Variants in AFMID observed in about 807,000 individuals in gnomAD.
AFMID encodes the protein arylformamidase.
Under a neutral mutation model 47.5 loss-of-function variants are expected in AFMID, and 39 were observed. The observed-to-expected ratio is 0.82, with a 90% CI of 0.64 to 1.07. The LOEUF (loss-of-function observed/expected upper bound fraction) is 1.07, where lower values mean the gene tolerates loss of function less well. Among genes scored for constraint, AFMID ranks in the 50% least tolerant of loss-of-function variants. The pLI is 0.00. For synonymous variants in AFMID, 130 were observed against 153.2 expected, an observed-to-expected ratio of 0.85 and a Z score of 1.12; for missense variants, 375 against 387.5, an observed-to-expected ratio of 0.97 and a Z score of 0.27.
Position 78,206,906 on chromosome 17 carries a change from T to G in AFMID, c.886-5T>G. Reference sequence around the variant, plus strand: ...GGGCTTTTGTGTCTTCTCTTCCTGTTCCAGATTATCTTGAAAACAATCTTC... The same window carrying G: ...GGGCTTTTGTGTCTTCTCTTCCTGTGCCAGATTATCTTGAAAACAATCTTC... On this transcript the variant is annotated splice_polypyrimidine_tract_variant and splice_region_variant and intron_variant, in intron 10 of 10. Transcript: ENST00000409257. 1 of 1,613,988 alleles carries G rather than the reference T, an allele frequency of 6.2e-7. No individual in the cohort carries two copies. Among genetic ancestry groups the G allele is most frequent in the South Asian group, 1.1e-5 (1 of 91,076 alleles).
intron 4 of AFMID, chr17:78,203,512 C>T (rs2076302398): frequency 6.6e-6 from 1 of 152,024 alleles, no homozygotes; most frequent in Admixed American, 6.6e-5. Flanking sequence ...GCCAGAGTGA[C>T]CAACCACTGT....
intron 2 of AFMID, among the ~76,000 whole-genome samples, chr17:78,200,532 T>C (rs77336916): frequency 0.032 from 4,882 of 152,200 alleles, 253 homozygotes; most frequent in African/African-American, 0.11. Context: ...CTAAATGCCA[T>C]TGACTGCTAT....
chr17:78,206,338 C>CAAA (rs60780262), intron 10 of AFMID, among the ~76,000 whole-genome samples: 23 of 104,018 alleles, frequency 2.2e-4, no homozygotes, highest in East Asian at 3.8e-4. Context: ...GACTCTGTCT[C>CAAA]AAAAAAAAAA....
chr17:78,204,799 C>T (rs2076334311), intron 5 of AFMID, 29 bp from the exon 6 acceptor site: 1 of 1,614,184 alleles, frequency 6.2e-7, no homozygotes, highest in Non-Finnish European at 8.5e-7. Flanking sequence ...GGAAGTGCAT[C>T]CCTGACCCAG....
At chr17:78,203,030 T>G in intron 4 of AFMID, 1 of 403,076 alleles carries the variant, frequency 2.5e-6, no homozygotes. Flanking sequence ...ATCCTGGTGT[T>G]CCTGGGTCTC....
intron 2 of AFMID, among the ~76,000 whole-genome samples, chr17:78,193,075 A>G (rs1424726741): frequency 6.6e-6 from 1 of 152,086 alleles, no homozygotes. Flanking sequence ...GGTGAAACAT[A>G]CAAGAGCTGT....
At position 78,201,954 on chromosome 17, in the gene AFMID, T is replaced by A. The variant is rs866148471; in HGVS notation, c.155-545T>A. 1.3e-3 allele frequency among the ~76,000 whole-genome samples: 197 copies of A among 151,562 alleles called. 1 individual carries two copies. The Middle Eastern group carries it at 0.014, about 11-fold the overall frequency. On this transcript the variant is annotated intron_variant, in intron 2 of 10. Coordinates refer to ENST00000409257, the MANE Select transcript of AFMID (RefSeq NM_001010982.5). ...ACCATGTTAGCCAGGGTGGTCTCGA[T>A]CTCCTGACCTCGTGATCCACCCGCC...
intron 1 of AFMID, among the ~76,000 whole-genome samples, chr17:78,189,874 C>G (rs541717306): frequency 2.0e-5 from 3 of 147,044 alleles, no homozygotes; most frequent in Non-Finnish European, 4.5e-5. Flanking sequence ...CTCTGTCGCC[C>G]AGGCTGGAGT....
chr17:78,205,299 G>A, intron 7 of AFMID, 109 bp downstream of exon 7: 1 of 1,423,338 alleles, frequency 7.0e-7, no homozygotes, highest in Non-Finnish European at 9.8e-7. Context: ...TTGACCGCAG[G>A]GCTTCGAGCC....
At chr17:78,187,950 G>C (rs1480274268) in intron 1 of AFMID, among the ~76,000 whole-genome samples, 1 of 89,328 alleles carries the variant, frequency 1.1e-5, no homozygotes, top group African/African-American at 5.0e-5. Context: ...GATAGACCAA[G>C]ACTTAGTCTC....
chr17:78,192,067 C>T (rs1285799549), intron 2 of AFMID, among the ~76,000 whole-genome samples: 1 of 151,716 alleles, frequency 6.6e-6, no homozygotes, highest in East Asian at 1.9e-4. Flanking sequence ...GGCATGATCT[C>T]GACTCACCGC....
At chr17:78,190,796 C>A in intron 1 of AFMID, 174 bp from the exon 2 acceptor site, 1 of 576,668 alleles carries the variant, frequency 1.7e-6, no homozygotes, top group Non-Finnish European at 3.1e-6. Flanking sequence ...TGGCTAAAGG[C>A]ACAGCGGTCG....
At chr17:78,191,086 G>C (rs374170732) in intron 2 of AFMID, 26 bp downstream of exon 2, 5 of 1,587,446 alleles carry the variant, frequency 3.1e-6, no homozygotes, top group Non-Finnish European at 4.3e-6. Context: ...CTCCGTGGCC[G>C]CATTGGGTGT....
intron 4 of AFMID, 123 bp from the exon 5 acceptor site, chr17:78,204,533 A>G (rs947338368): frequency 5.6e-6 from 5 of 898,564 alleles, no homozygotes; most frequent in Non-Finnish European, 9.0e-6. Context: ...ACTCTCTCAC[A>G]TGGGACCAGA....
rs1020537109 is a variant in AFMID, at chr17:78,187,437, G to A, written c.63+4G>A. On this transcript the variant is annotated splice_donor_region_variant and intron_variant, in intron 1 of 10. Transcript: ENST00000409257. Reference sequence around the variant, plus strand: ...TTGGAAGAAGATGTCTGCAGAGGTAGGTGGATTGCAGGGAGGGACTAAGGG... The same window carrying A: ...TTGGAAGAAGATGTCTGCAGAGGTAAGTGGATTGCAGGGAGGGACTAAGGG... 2 of 1,613,828 alleles carry A rather than the reference G, an allele frequency of 1.2e-6. No individual in the cohort carries two copies. The highest frequency in any genetic ancestry group is 2.7e-5 in the African/African-American group (2 of 74,910).
intron 2 of AFMID, among the ~76,000 whole-genome samples, chr17:78,199,167 T>A (rs769580187): frequency 1.1e-4 from 16 of 152,260 alleles, no homozygotes; most frequent in Non-Finnish European, 2.4e-4. Flanking sequence ...GCTTCCTGCC[T>A]GGATTGGCCC....
intron 2 of AFMID, 88 bp downstream of exon 2, chr17:78,191,148 T>G: frequency 8.6e-7 from 1 of 1,165,280 alleles, no homozygotes; most frequent in African/African-American, 1.5e-5. Context: ...GGGGCTGTGC[T>G]GCACCACCTG....
chr17:78,190,723 G>A (rs1251806045), intron 1 of AFMID: 4 of 447,320 alleles, frequency 8.9e-6, no homozygotes, highest in Non-Finnish European at 1.6e-5. Flanking sequence ...TGTGGGAGTG[G>A]TGCCCATGAT....
chr17:78,201,657 A>G (rs781570047), intron 2 of AFMID, among the ~76,000 whole-genome samples: 6 of 152,144 alleles, frequency 3.9e-5, no homozygotes, highest in Non-Finnish European at 1.5e-5. Context: ...AGCGCACATA[A>G]TAAGTGTGTA....
Sources: allele counts gnomAD v4.1 joint callset (sites outside exome capture counted in the v4.1 genomes callset), GRCh38; gene constraint gnomAD v4.1.1; transcripts MANE v1.5; gene names NCBI Gene and HGNC (gene_info 2026-07-23, HGNC 2026-07-21).